The following MYH7 variants were observed in gnomAD, a reference collection of about 807,000 sequenced individuals.
The protein encoded by MYH7 is myosin heavy chain 7, also known as myosin-7.
Under a neutral mutation model 225.4 loss-of-function variants are expected in MYH7, and 129 were observed. That is an observed-to-expected ratio of 0.57 (90% CI 0.50 to 0.66). The LOEUF is 0.66. Among genes scored for constraint, MYH7 ranks in the 30% least tolerant of loss-of-function variants. The pLI is 0.00. For synonymous variants in MYH7, 971 were observed against 1,007.6 expected (o/e 0.96, Z 0.69); for missense variants, 1,649 against 2,517.0 (o/e 0.66, Z 7.38).
chr14:23,434,304 C>G, intron 1 of MYH7, 55 bp from the exon 2 acceptor site: 1 of 987,460 alleles, frequency 1.0e-6, no homozygotes. Flanking sequence ...CTGACCAGTC[C>G]CACCTTCCTG....
Position 23,429,222 on chromosome 14 carries a change from G to T in MYH7, c.1257+7C>A, listed in dbSNP as rs759480696. On this transcript the variant is annotated splice_region_variant and intron_variant, in intron 13 of 39. Coordinates refer to ENST00000355349, the MANE Select transcript of MYH7 (RefSeq NM_000257.4). ...GCCCACCCATTATCATCTGAAGATG[G>T]ACCCACCTGCTGGACATTCTGCCCC... The T allele has an allele frequency of 1.9e-6, 3 of 1,613,912 alleles. No homozygotes were observed. Among genetic ancestry groups the T allele is most frequent in the African/African-American group, 1.3e-5 (1 of 74,914 alleles).
chr14:23,419,080 C>T, intron 29 of MYH7, 97 bp downstream of exon 29: 1 of 1,117,146 alleles, frequency 9.0e-7, no homozygotes, highest in Non-Finnish European at 1.4e-6. Flanking sequence ...AACTGTTGGT[C>T]CACAGCCAGC....
chr14:23,429,936 C>T (rs1287397510), intron 11 of MYH7, 23 bp from the exon 12 acceptor site: 4 of 1,613,344 alleles, frequency 2.5e-6, no homozygotes, highest in Non-Finnish European at 2.5e-6. Flanking sequence ...CCCATATTGG[C>T]GGACCCCAGA....
chr14:23,419,523 G>A lies in MYH7; in HGVS notation c.3813C>T (p.Asn1271=), dbSNP rs767389598. ...SKAEETQRSV[N]DLTSQRAKLQ... is the part of the protein sequence containing the mutation. Reference sequence around the variant, plus strand: ...ACTTGGCCCGCTGGCTGGTGAGGTCGTTGACAGAACGCTGGGTCTCCTCCG... The same window carrying A: ...ACTTGGCCCGCTGGCTGGTGAGGTCATTGACAGAACGCTGGGTCTCCTCCG... Residue 1271 remains asparagine (N), a synonymous_variant, in exon 28 of 40, where the codon AAC becomes AAT. Transcript: ENST00000355349. The A allele has an allele frequency of 9.9e-6, 16 of 1,614,136 alleles. No homozygotes were observed. The highest frequency in any genetic ancestry group is 2.2e-5 in the East Asian group (1 of 44,888).
Position 23,425,620 on chromosome 14 carries a change from T to A in MYH7, c.2286+75A>T. On this transcript the variant is annotated intron_variant, in intron 20 of 39. Coordinates refer to ENST00000355349, the MANE Select transcript of MYH7 (RefSeq NM_000257.4). This position sits in a 1 kb window ranked among gnomAD's most constrained non-coding sequence, Gnocchi z 4.6. ...AGGTAAGAGATTTTGCTAAGATGAT[T>A]ACAACAGGAAAAGCATCAGAGGAGT... 1 of 1,610,670 alleles carries A rather than the reference T, an allele frequency of 6.2e-7. No individual in the cohort carries two copies. Among genetic ancestry groups the A allele is most frequent in the Non-Finnish European group, 8.5e-7 (1 of 1,178,178 alleles).
chr14:23,428,168 A>T (rs192641378), intron 15 of MYH7, among the ~76,000 whole-genome samples: 1 of 152,260 alleles, frequency 6.6e-6, no homozygotes, highest in East Asian at 1.9e-4. Flanking sequence ...CTAGGGTTGA[A>T]AATAGGTGCA....
At chr14:23,435,148 A>G (rs747130685) in intron 1 of MYH7, among the ~76,000 whole-genome samples, 1 of 152,098 alleles carries the variant, frequency 6.6e-6, no homozygotes. Flanking sequence ...GAACCTCTGC[A>G]TGCATGGACA....
rs2231124 is a variant in MYH7 at position 23,430,584 on chromosome 14, G to A, written c.975C>T (p.Asp325=). The A allele has an allele frequency of 0.025, 40,727 of 1,613,710 alleles. 592 individuals carry two copies. Among genetic ancestry groups the A allele is most frequent in the Middle Eastern group, 0.038 (228 of 6,060 alleles). ...QGETTVASID[D]AEELMATDNA... ...CATCAGTGGCCATGAGCTCCTCAGCGTCATCAATGGAGGCCACGGTGGTCT... is the reference window on the plus strand; with the variant it reads ...CATCAGTGGCCATGAGCTCCTCAGCATCATCAATGGAGGCCACGGTGGTCT... The change falls in exon 11 of 40, where the codon GAC becomes GAT. Residue 325 remains aspartate (D), a synonymous_variant. Transcript: ENST00000355349.
rs397516182 is a variant in MYH7 at position 23,419,934 on chromosome 14, C to T, written c.3637G>A (p.Val1213Met). Residue 1213 changes from valine to methionine, a missense_variant, in exon 27 of 40, where the codon GTG becomes ATG. Physicochemically the swap from Val to Met is conservative, Grantham distance 21 (BLOSUM62 1). Around this residue, in one of 12 missense-constraint regions of MYH7, gnomAD observed 106 missense variants for 198.8 expected, o/e 0.53. Coordinates refer to ENST00000355349, the MANE Select transcript of MYH7 (RefSeq NM_000257.4). Reference protein sequence around the residue: ...LGEQIDNLQRVKQKLEKEKSE... With the variant: ...LGEQIDNLQRMKQKLEKEKSE... ...TTCTCCTTCTCCAGCTTCTGCTTCA[C>T]CCGCTGCAGGTTGTCGATCTGCTCG... is the stretch of plus-strand genomic sequence containing the variant. 2.0e-5 allele frequency: 32 copies of T among 1,611,792 alleles called. No individual in the cohort carries two copies. Among genetic ancestry groups the T allele is most frequent in the Admixed American group, 1.2e-4 (7 of 59,940 alleles).
chr14:23,413,457 T>A (rs922365765), intron 39 of MYH7, among the ~76,000 whole-genome samples: 4 of 151,164 alleles, frequency 2.6e-5, no homozygotes, highest in African/African-American at 9.7e-5. Context: ...ATGCCTATAA[T>A]CCCAGCTACT....
Position 23,431,843 on chromosome 14 carries a change from ACTGT to A in MYH7, c.553_556del (p.Thr185SerfsTer78), listed in dbSNP as rs1228055405. ...GTACTGGATGACCCTCTTGGTGTTG[ACTGT>A]CTTCCCTGCTCCGGATTCTCCGCTG... On this transcript the variant is annotated frameshift_variant, in exon 7 of 40. Coordinates refer to ENST00000355349, the MANE Select transcript of MYH7 (RefSeq NM_000257.4). LOFTEE classifies it high-confidence loss of function. The A allele has an allele frequency of 5.6e-6, 9 of 1,614,118 alleles. No homozygotes were observed. Among genetic ancestry groups the A allele is most frequent in the Non-Finnish European group, 7.6e-6 (9 of 1,180,050 alleles).
rs781267760 is a variant in MYH7, at chr14:23,418,523, C to G, written c.3973-117G>C. ...TCCCTTGGCCTCATCTATGTCCAAA[C>G]CCCCAGTGGACCTGTCATGGTTTAC... On this transcript the variant is annotated intron_variant, in intron 29 of 39. Transcript: ENST00000355349. 2.5e-6 allele frequency: 3 copies of G among 1,203,846 alleles called. No individual in the cohort carries two copies. The Admixed American group carries it at 8.2e-5, about 33-fold the overall frequency. 74.6% of individuals were successfully genotyped at this position (1,203,846 alleles called of 1,614,324 possible).
chr14:23,415,366 G>T lies in MYH7; in HGVS notation c.5283+15C>A. ...GACACTGGTCTGGATCGGGTCGGTGGAGTGGGGGACTTACATCCGTGATGG... is the reference window on the plus strand; with the variant it reads ...GACACTGGTCTGGATCGGGTCGGTGTAGTGGGGGACTTACATCCGTGATGG... On this transcript the variant is annotated intron_variant, in intron 36 of 39. Coordinates refer to ENST00000355349, the MANE Select transcript of MYH7 (RefSeq NM_000257.4). This position sits in a 1 kb window ranked among gnomAD's most constrained non-coding sequence, Gnocchi z 6.3. 6.2e-7 allele frequency: 1 copy of T among 1,614,202 alleles called. No individual in the cohort carries two copies. The highest frequency in any genetic ancestry group is 8.5e-7 in the Non-Finnish European group (1 of 1,180,042).
At chr14:23,427,024 G>T (rs1341728874) in intron 17 of MYH7, among the ~76,000 whole-genome samples, 160 bp from the exon 18 acceptor site, 1 of 152,020 alleles carries the variant, frequency 6.6e-6, no homozygotes, top group Non-Finnish European at 1.5e-5. Flanking sequence ...AGAGAGGGTG[G>T]GAGACAGAAG....
Position 23,416,214 on chromosome 14 carries a change from C to T in MYH7, c.4743G>A (p.Glu1581=). 2 of 1,614,106 alleles carry T rather than the reference C, an allele frequency of 1.2e-6. No homozygotes were observed. The highest frequency in any genetic ancestry group is 1.7e-5 in the Admixed American group (1 of 60,022). The change falls in exon 34 of 40, where the codon GAG becomes GAA. Residue 1581 remains glutamate (E), a synonymous_variant. Coordinates refer to ENST00000355349, the MANE Select transcript of MYH7 (RefSeq NM_000257.4). ...EIERKLAEKD[E]EMEQAKRNHL... ...GGTTGCGCTTGGCCTGTTCCATCTC[C>T]TCGTCCTTCTCTGCCAGCTTCCGCT... is the stretch of plus-strand genomic sequence containing the variant.
At chr14:23,429,682 A>G (rs1892847589) in intron 12 of MYH7, 93 bp downstream of exon 12, 4 of 1,557,188 alleles carry the variant, frequency 2.6e-6, no homozygotes, top group South Asian at 1.2e-5. Context: ...TCTCAAAAAA[A>G]AAAAAAAAAG....
chr14:23,413,810 G>C lies in MYH7; in HGVS notation c.5739C>G (p.Ala1913=), dbSNP rs200921000. The change falls in exon 39 of 40, where the codon GCC becomes GCG. Residue 1913 remains alanine, a synonymous_variant. Coordinates refer to ENST00000355349, the MANE Select transcript of MYH7 (RefSeq NM_000257.4). ...LDEAEERADI[A]ESQVNKLRAK... ...CCCGCAGCTTGTTGACCTGGGACTC[G>C]GCGATGTCCGCCCGCTCCTCTGCCT... The C allele has an allele frequency of 3.7e-6, 6 of 1,614,106 alleles. No individual in the cohort carries two copies. The highest frequency in any genetic ancestry group is 5.1e-6 in the Non-Finnish European group (6 of 1,180,056).
Position 23,418,124 on chromosome 14 carries a change from C to T in MYH7, c.4169+86G>A, listed in dbSNP as rs1225527162. 6.3e-6 allele frequency: 10 copies of T among 1,586,110 alleles called. 1 individual carries two copies. In the Admixed American group the frequency reaches 1.0e-4, roughly 16 times the overall value. On this transcript the variant is annotated intron_variant, in intron 30 of 39. Coordinates refer to ENST00000355349, the MANE Select transcript of MYH7 (RefSeq NM_000257.4). ...TTGTCAAACACTAGCTAAGCATCGC[C>T]TGTGTGGGATCTGCTGAGGCTGGGG...
chr14:23,431,373 G>T (rs567802415), intron 9 of MYH7, 45 bp downstream of exon 9: 3 of 1,586,938 alleles, frequency 1.9e-6, no homozygotes, highest in Admixed American at 3.3e-5. Flanking sequence ...ATGGTCTAGA[G>T]CAAGGGTGAG....
Sources: allele counts gnomAD v4.1 joint callset (sites outside exome capture counted in the v4.1 genomes callset), GRCh38; gene constraint gnomAD v4.1.1; regional missense constraint gnomAD v4.1.1; non-coding constraint Gnocchi (gnomAD v3.1); transcripts MANE v1.5; gene names NCBI Gene and HGNC (gene_info 2026-07-23, HGNC 2026-07-21).